CD93: variants seen among roughly 807,000 people sequenced by gnomAD.
The protein encoded by CD93 is complement component C1q receptor.
A neutral mutation model predicts 45.5 loss-of-function variants in CD93; 44 were observed. The ratio of observed to expected loss-of-function variants is 0.97; its 90% confidence interval spans 0.76 to 1.24. The LOEUF (loss-of-function observed/expected upper bound fraction) is 1.24. Among genes scored for constraint, CD93 ranks in the 50% most tolerant of loss-of-function variants. The pLI is 0.00. For missense variants in CD93, 918 were observed against 844.5 expected (o/e 1.09, Z -1.08); for synonymous variants, 431 against 370.8 (o/e 1.16, Z -1.87).
chr20:23,084,935 C>T lies in CD93; in HGVS notation c.1258G>A (p.Glu420Lys). 6.2e-7 allele frequency: 1 copy of T among 1,613,490 alleles called. No homozygotes were observed. The highest frequency in any genetic ancestry group is 8.5e-7 in the Non-Finnish European group (1 of 1,179,940). The change falls in exon 1 of 2, where the codon GAG becomes AAG. Residue 420 changes from glutamate to lysine, a missense_variant. Physicochemically the swap from Glu to Lys is moderately conservative, Grantham distance 56 (BLOSUM62 1). Coordinates refer to ENST00000246006, the MANE Select transcript of CD93 (RefSeq NM_012072.4). ...SCEEGYVLAG[E>K]DGTQCQDVDE... ...ACGTCCTGGCACTGAGTCCCGTCCT[C>T]CCCGGCCAGGACGTAGCCCTCCTCA...
At position 23,083,419 on chromosome 20, in the gene CD93, C is replaced by G; in HGVS notation, c.*531G>C. 1 of 155,140 alleles carries G rather than the reference C, an allele frequency of 6.4e-6. No homozygotes were observed. The highest frequency in any genetic ancestry group is 1.9e-4 in the East Asian group (1 of 5,312). 9.6% of individuals were successfully genotyped at this position (155,140 alleles called of 1,614,324 possible). ...TCACATTTAGCAAGACTTGTGCTGG[C>G]GAAATGGAGGAATGCAAATGTAAAG... On this transcript the variant is annotated 3_prime_UTR_variant, in exon 2 of 2. Transcript: ENST00000246006.
In CD93 at chr20:23,079,528, A is replaced by G. The variant is rs895149197; in HGVS notation, c.*4422T>C. 2.0e-4 allele frequency: 30 copies of G among 152,234 alleles called. No homozygotes were observed. The highest frequency in any genetic ancestry group is 6.5e-4 in the African/African-American group (27 of 41,460). The allele number at this position is 152,234 out of a possible 1,614,324, so 9.4% of individuals were successfully genotyped here. On this transcript the variant is annotated 3_prime_UTR_variant, in exon 2 of 2. Coordinates refer to ENST00000246006, the MANE Select transcript of CD93 (RefSeq NM_012072.4). ...AGTTTGGGAAACATGCACAGGATGAAGGTAAATCCTGCATAGAAATCTTGT... is the reference window on the plus strand; with the variant it reads ...AGTTTGGGAAACATGCACAGGATGAGGGTAAATCCTGCATAGAAATCTTGT...
chr20:23,086,032 T>A lies in CD93; in HGVS notation c.161A>T (p.Asn54Ile). 6.2e-7 allele frequency: 1 copy of A among 1,609,694 alleles called. No homozygotes were observed. The highest frequency in any genetic ancestry group is 8.5e-7 in the Non-Finnish European group (1 of 1,179,512). ...LSAAEAQNHC[N>I]QNGGNLATVK... The stretch of plus-strand genomic sequence containing the variant: ...AGTGGCCAGGTTGCCCCCGTTCTGG[T>A]TGCAGTGGTTCTGGGCCTCGGCAGC... Residue 54 changes from asparagine to isoleucine, a missense_variant, in exon 1 of 2, where the codon AAC (asparagine) becomes ATC (isoleucine). Coordinates refer to ENST00000246006, the MANE Select transcript of CD93 (RefSeq NM_012072.4).
chr20:23,080,949 C>T lies in CD93; in HGVS notation c.*3001G>A, dbSNP rs1003706570. 1 of 152,094 alleles carries T rather than the reference C, an allele frequency of 6.6e-6. No individual in the cohort carries two copies. 9.4% of individuals were successfully genotyped at this position (152,094 alleles called of 1,614,324 possible). A position where few individuals can be genotyped will look rare whatever the true frequency, so the allele number is the denominator to read the frequency against. ...TCCTCCTGCATCCTTTCTCAAATGA[C>T]AAAGAAGAAAGAAAGAGCAGTGATG... On this transcript the variant is annotated 3_prime_UTR_variant, in exon 2 of 2. Transcript: ENST00000246006.
rs1410262078 is a variant in CD93, at chr20:23,085,377, G to T, written c.816C>A (p.His272Gln). The T allele has an allele frequency of 2.0e-5, 33 of 1,613,998 alleles. No homozygotes were observed. Among genetic ancestry groups the T allele is most frequent in the Non-Finnish European group, 2.8e-5 (33 of 1,179,974 alleles). ...CATCCCCCCCTTCAAAGCAGTCCTG[G>T]TGGCAGCCCCCATTGTTGAAGTTGC... ...YGCNFNNGGC[H>Q]QDCFEGGDGS... is the part of the protein sequence containing the mutation. The change falls in exon 1 of 2, where the codon CAC becomes CAA. Residue 272 changes from histidine to glutamine, a missense_variant. His to Gln is a conservative substitution (Grantham distance 24). Transcript: ENST00000246006.
In CD93 at chr20:23,085,137, G is replaced by T. The variant is rs1985449923; in HGVS notation, c.1056C>A (p.Ser352=). 1 of 1,584,360 alleles carries T rather than the reference G, an allele frequency of 6.3e-7. No homozygotes were observed. The highest frequency in any genetic ancestry group is 8.6e-7 in the Non-Finnish European group (1 of 1,163,694). ...DCVDVDECQD[S]PCAQECVNTP... is the part of the protein sequence containing the mutation. ...TGTTGACACACTCCTGGGCACAGGG[G>T]GAGTCCTGGCATTCATCCACGTCCA... is the stretch of plus-strand genomic sequence containing the variant. The change falls in exon 1 of 2, where the codon TCC becomes TCA. Residue 352 remains serine (S), a synonymous_variant. Coordinates refer to ENST00000246006, the MANE Select transcript of CD93 (RefSeq NM_012072.4).
chr20:23,083,752 G>A lies in CD93; in HGVS notation c.*198C>T. On this transcript the variant is annotated 3_prime_UTR_variant, in exon 2 of 2. Coordinates refer to ENST00000246006, the MANE Select transcript of CD93 (RefSeq NM_012072.4). Reference sequence around the variant, plus strand: ...CCCCACCGTGGCACGCCAACACACAGCTTCCACTTCAGGAACATCAAACAC... The same window carrying A: ...CCCCACCGTGGCACGCCAACACACAACTTCCACTTCAGGAACATCAAACAC... 2 of 625,532 alleles carry A rather than the reference G, an allele frequency of 3.2e-6. No individual in the cohort carries two copies. The highest frequency in any genetic ancestry group is 3.8e-5 in the South Asian group (2 of 52,478). The allele number at this position is 625,532 out of a possible 1,614,324, so 38.7% of individuals were successfully genotyped here. A position where few individuals can be genotyped will look rare whatever the true frequency, so the allele number is the denominator to read the frequency against.
Position 23,085,831 on chromosome 20 carries a change from T to A in CD93, c.362A>T (p.Glu121Val). 6.7e-7 allele frequency: 1 copy of A among 1,491,286 alleles called. No individual in the cohort carries two copies. The highest frequency in any genetic ancestry group is 1.3e-5 in the South Asian group (1 of 75,910). 92.4% of individuals were successfully genotyped at this position (1,491,286 alleles called of 1,614,324 possible). A position where few individuals can be genotyped will look rare whatever the true frequency, so the allele number is the denominator to read the frequency against. ...GTGCCAGTTAGAGTAAGGCGTGTCC[T>A]CCCCCCCGCCCACCCAGCTGAAGCC... is the stretch of plus-strand genomic sequence containing the variant. ...LKGFSWVGGG[E>V]DTPYSNWHKE... is the part of the protein sequence containing the mutation. The change falls in exon 1 of 2, where the codon GAG becomes GTG. Residue 121 changes from glutamate (E) to valine (V), a missense_variant. Transcript: ENST00000246006.
Position 23,080,026 on chromosome 20 carries a change from G to A in CD93, c.*3924C>T, listed in dbSNP as rs1163583283. On this transcript the variant is annotated 3_prime_UTR_variant, in exon 2 of 2. Transcript: ENST00000246006. ...GATTTAAACCATGGGTTTTGCAGCC[G>A]AAGTAGAGACAGATGTTTTCTGGGA... The A allele has an allele frequency of 3.9e-5, 6 of 152,120 alleles. No homozygotes were observed. Among genetic ancestry groups the A allele is most frequent in the Admixed American group, 2.0e-4 (3 of 15,242 alleles). The allele number at this position is 152,120 out of a possible 1,614,324, so 9.4% of individuals were successfully genotyped here.
chr20:23,085,343 G>T lies in CD93; in HGVS notation c.850C>A (p.Leu284Ile), dbSNP rs1469086264. 3 of 1,613,926 alleles carry T rather than the reference G, an allele frequency of 1.9e-6. No individual in the cohort carries two copies. The highest frequency in any genetic ancestry group is 1.7e-6 in the Non-Finnish European group (2 of 1,180,024). Residue 284 changes from leucine to isoleucine, a missense_variant, in exon 1 of 2, where the codon CTC becomes ATC. Physicochemically the swap from Leu to Ile is conservative, Grantham distance 5 (BLOSUM62 2). Coordinates refer to ENST00000246006, the MANE Select transcript of CD93 (RefSeq NM_012072.4). ...DCFEGGDGSF[L>I]CGCRPGFRLL... ...CGGAATCCTGGTCGGCAGCCGCAGA[G>T]GAAGGAGCCATCCCCCCCTTCAAAG...
rs1985340335 is a variant in CD93 at position 23,082,210 on chromosome 20, A to G, written c.*1740T>C. 6.6e-6 allele frequency: 1 copy of G among 152,184 alleles called. No individual in the cohort carries two copies. The highest frequency in any genetic ancestry group is 2.4e-5 in the African/African-American group (1 of 41,432). 9.4% of individuals were successfully genotyped at this position (152,184 alleles called of 1,614,324 possible). On this transcript the variant is annotated 3_prime_UTR_variant, in exon 2 of 2. Coordinates refer to ENST00000246006, the MANE Select transcript of CD93 (RefSeq NM_012072.4). ...ACTTCCCCTGCCCCTTTAGTTTTCT[A>G]TTAAAAACAATCTGAACCATAGCAT...
Position 23,082,535 on chromosome 20 carries a change from CTGTG to C in CD93, c.*1411_*1414del, listed in dbSNP as rs1314389774. ...CCCCAGGCAGAATGGTGCCGTGTCT[CTGTG>C]TGTGTGTGTGTGTGTGTGTGTGTGT... On this transcript the variant is annotated 3_prime_UTR_variant, in exon 2 of 2. Coordinates refer to ENST00000246006, the MANE Select transcript of CD93 (RefSeq NM_012072.4). 4.1e-5 allele frequency: 2 copies of C among 48,826 alleles called. No homozygotes were observed. The highest frequency in any genetic ancestry group is 5.5e-5 in the Non-Finnish European group (1 of 18,030). The allele number at this position is 48,826 out of a possible 1,614,324, so 3.0% of individuals were successfully genotyped here. A position where few individuals can be genotyped will look rare whatever the true frequency, so the allele number is the denominator to read the frequency against.
Position 23,085,312 on chromosome 20 carries a change from A to AGCAGCCGGAATCCTGGTCG in CD93, c.862_880dup (p.Leu294ProfsTer9). The AGCAGCCGGAATCCTGGTCG allele has an allele frequency of 6.2e-7, 1 of 1,613,994 alleles. No homozygotes were observed. The highest frequency in any genetic ancestry group is 1.1e-5 in the South Asian group (1 of 91,086). The stretch of plus-strand genomic sequence containing the variant: ...AGAGGCACAGGTCACCAGGTCATCC[A>AGCAGCCGGAATCCTGGTCG]GCAGCCGGAATCCTGGTCGGCAGCC... On this transcript the variant is annotated frameshift_variant, in exon 1 of 2. Transcript: ENST00000246006. LOFTEE classifies it high-confidence loss of function.
At position 23,085,249 on chromosome 20, in the gene CD93, G is replaced by T; in HGVS notation, c.944C>A (p.Ala315Asp). The stretch of plus-strand genomic sequence containing the variant: ...CCCATGGGGTCCCAGGACGCACGTG[G>T]CCCCCCCACGACATGGGCTGGAGCT... ...PCSSSPCRGG[A>D]TCVLGPHGKN... Residue 315 changes from alanine to aspartate, a missense_variant, in exon 1 of 2, where the codon GCC becomes GAC. Ala to Asp is a moderately radical substitution (Grantham distance 126, BLOSUM62 -2). Coordinates refer to ENST00000246006, the MANE Select transcript of CD93 (RefSeq NM_012072.4). 1 of 1,612,470 alleles carries T rather than the reference G, an allele frequency of 6.2e-7. No individual in the cohort carries two copies. The highest frequency in any genetic ancestry group is 1.1e-5 in the South Asian group (1 of 90,948).
At position 23,085,500 on chromosome 20, in the gene CD93, G is replaced by A. The variant is rs749366333; in HGVS notation, c.693C>T (p.Asp231=). Residue 231 remains aspartate (D), a synonymous_variant, in exon 1 of 2, where the codon GAC becomes GAT. Coordinates refer to ENST00000246006, the MANE Select transcript of CD93 (RefSeq NM_012072.4). Reference sequence around the variant, plus strand: ...ACAGGAAATAATGACTCTGAGTCTCGTCCTTGTCACCTTCCCCACAGGCTA... The same window carrying A: ...ACAGGAAATAATGACTCTGAGTCTCATCCTTGTCACCTTCCCCACAGGCTA... ...ANVACGEGDK[D]ETQSHYFLCK... The A allele has an allele frequency of 1.9e-5, 30 of 1,613,740 alleles. No individual in the cohort carries two copies. Among genetic ancestry groups the A allele is most frequent in the Middle Eastern group, 1.6e-4 (1 of 6,084 alleles).
Position 23,084,832 on chromosome 20 carries a change from C to G in CD93, c.1361G>C (p.Cys454Ser). The change falls in exon 1 of 2, where the codon TGC (cysteine) becomes TCC (serine). Residue 454 changes from cysteine (C) to serine (S), a missense_variant. Transcript: ENST00000246006. ...TGGGGCCAGCACCCAGCCTGGCAGG[C>G]AGCCACAGTGGAAGGACCCTTGTGT... ...FNTQGSFHCG[C>S]LPGWVLAPNG... 1 of 1,613,392 alleles carries G rather than the reference C, an allele frequency of 6.2e-7. No individual in the cohort carries two copies. Among genetic ancestry groups the G allele is most frequent in the Non-Finnish European group, 8.5e-7 (1 of 1,179,992 alleles).
chr20:23,086,199 C>T lies in CD93; in HGVS notation c.-7G>A. 2 of 1,521,968 alleles carry T rather than the reference C, an allele frequency of 1.3e-6. 1 individual carries two copies. 94.3% of individuals were successfully genotyped at this position (1,521,968 alleles called of 1,614,324 possible). A position where few individuals can be genotyped will look rare whatever the true frequency, so the allele number is the denominator to read the frequency against. On this transcript the variant is annotated 5_prime_UTR_variant, in exon 1 of 2. Coordinates refer to ENST00000246006, the MANE Select transcript of CD93 (RefSeq NM_012072.4). ...GGCCCATGGAGGTGGCCATCCCGGT[C>T]TCTGTGTGGCCCTCTGCGGGAGGCG...
Position 23,084,362 on chromosome 20 carries a change from C to T in CD93, c.1831G>A (p.Ala611Thr). ...LGLLVYRKRR[A>T]KREEKKEKKP... is the part of the protein sequence containing the mutation. The stretch of plus-strand genomic sequence containing the variant: ...TTCTCCTTCTTCTCCTCCCTCTTCG[C>T]TCTCCGCTTGCGATAGACCAGTAGC... The change falls in exon 1 of 2, where the codon GCG (alanine) becomes ACG (threonine). Residue 611 changes from alanine to threonine, a missense_variant. Transcript: ENST00000246006. 2 of 1,614,260 alleles carry T rather than the reference C, an allele frequency of 1.2e-6. No homozygotes were observed. The highest frequency in any genetic ancestry group is 8.5e-7 in the Non-Finnish European group (1 of 1,180,050).
At position 23,079,455 on chromosome 20, in the gene CD93, T is replaced by A. The variant is rs1046698625; in HGVS notation, c.*4495A>T. The A allele has an allele frequency of 6.6e-6, 1 of 152,252 alleles. No homozygotes were observed. 9.4% of individuals were successfully genotyped at this position (152,252 alleles called of 1,614,324 possible). A position where few individuals can be genotyped will look rare whatever the true frequency, so the allele number is the denominator to read the frequency against. Reference sequence around the variant, plus strand: ...AAGGCTGACCCTCAAAGCACCATTTTGTTAGAACTCAGAGGAGAAGCTCGA... The same window carrying A: ...AAGGCTGACCCTCAAAGCACCATTTAGTTAGAACTCAGAGGAGAAGCTCGA... On this transcript the variant is annotated 3_prime_UTR_variant, in exon 2 of 2. Coordinates refer to ENST00000246006, the MANE Select transcript of CD93 (RefSeq NM_012072.4).
Sources: allele counts gnomAD v4.1 joint callset, GRCh38; gene constraint gnomAD v4.1.1; transcripts MANE v1.5; gene names NCBI Gene and HGNC (gene_info 2026-07-23, HGNC 2026-07-21).